The following ZMAT4 variants were observed in gnomAD, a reference collection of about 807,000 sequenced individuals.
The protein encoded by ZMAT4 is zinc finger matrin-type protein 4.
In ZMAT4, 17 loss-of-function variants were observed where a neutral mutation model predicts 28.7. The ratio of observed to expected loss-of-function variants is 0.59; its 90% confidence interval spans 0.41 to 0.89. ZMAT4 has a LOEUF of 0.89. ZMAT4 is among the 40% of genes least tolerant of loss of function. The probability of loss-of-function intolerance (pLI) is 0.00; values close to 1 mark genes in which losing one functional copy is unlikely to be tolerated. For missense variants in ZMAT4, 240 were observed against 283.8 expected (o/e 0.85, Z 1.11); for synonymous variants, 117 against 109.2 (o/e 1.07, Z -0.44).
chr8:40,828,611 A>C (rs1816164586), intron 1 of ZMAT4, among the ~76,000 whole-genome samples: 1 of 152,264 alleles, frequency 6.6e-6, no homozygotes, highest in Non-Finnish European at 1.5e-5. Flanking sequence ...TGTTTTATAT[A>C]AGAATATTGA....
chr8:40,681,325 A>AT (rs1809155817), intron 4 of ZMAT4, among the ~76,000 whole-genome samples: 2 of 152,318 alleles, frequency 1.3e-5, no homozygotes, highest in African/African-American at 2.4e-5. Flanking sequence ...GGAAATGCGC[A>AT]TTTTTTCTAA....
intron 1 of ZMAT4, among the ~76,000 whole-genome samples, chr8:40,881,816 G>A (rs956514320): frequency 6.6e-6 from 1 of 151,946 alleles, no homozygotes; most frequent in South Asian, 2.1e-4. Context: ...GGAATAGCTC[G>A]GCCCAACAGT....
chr8:40,622,429 G>A (rs1428338655), intron 5 of ZMAT4, among the ~76,000 whole-genome samples: 1 of 152,100 alleles, frequency 6.6e-6, no homozygotes, highest in Non-Finnish European at 1.5e-5. Context: ...CAGAGTTACG[G>A]AGAAAAAAGA....
At chr8:40,838,868 T>C (rs894975936) in intron 1 of ZMAT4, among the ~76,000 whole-genome samples, 1 of 152,072 alleles carries the variant, frequency 6.6e-6, no homozygotes, top group African/African-American at 2.4e-5. Context: ...CTGAGTGGCT[T>C]AGAGAGAATG....
intron 6 of ZMAT4, among the ~76,000 whole-genome samples, chr8:40,561,484 T>C (rs1803737860): frequency 6.6e-6 from 1 of 152,136 alleles, no homozygotes; most frequent in African/African-American, 2.4e-5. Flanking sequence ...TACCACTTTA[T>C]TGAGGTTGAA....
intron 1 of ZMAT4, among the ~76,000 whole-genome samples, chr8:40,829,715 G>T (rs1222447435): frequency 2.0e-5 from 3 of 152,166 alleles, no homozygotes; most frequent in Non-Finnish European, 4.4e-5. Context: ...GATGGAAAGT[G>T]ATATAGGATT....
intron 1 of ZMAT4, among the ~76,000 whole-genome samples, chr8:40,880,013 G>A (rs778255643): frequency 2.0e-5 from 3 of 152,066 alleles, no homozygotes. Flanking sequence ...TTTTGTGCAC[G>A]CATATTTCCC....
At chr8:40,772,910 T>C (rs1310053417) in intron 2 of ZMAT4, among the ~76,000 whole-genome samples, 3 of 152,128 alleles carry the variant, frequency 2.0e-5, no homozygotes, top group Non-Finnish European at 2.9e-5. Flanking sequence ...CACGGGTTCC[T>C]GCAAAACAAC....
chr8:40,716,931 C>T (rs1379843102), intron 3 of ZMAT4, among the ~76,000 whole-genome samples: 1 of 152,162 alleles, frequency 6.6e-6, no homozygotes, highest in Non-Finnish European at 1.5e-5. Context: ...TGCCTTTTCT[C>T]CTCCTGTTCC....
chr8:40,654,076 T>C (rs1413777406), intron 5 of ZMAT4, among the ~76,000 whole-genome samples: 1 of 152,226 alleles, frequency 6.6e-6, no homozygotes, highest in East Asian at 1.9e-4. Context: ...AAGCAGATTT[T>C]TGTCACATTG....
intron 5 of ZMAT4, among the ~76,000 whole-genome samples, chr8:40,647,920 C>A (rs1807419241): frequency 6.6e-6 from 1 of 152,214 alleles, no homozygotes. Context: ...CAAAAACCAT[C>A]TGTACATCAC....
rs1292429693 is a variant in ZMAT4, at chr8:40,576,948, C to A, written c.674+4217G>T. ...GTGGCTCACACCTGTAATCCCAGCA[C>A]TTTGGGAGGCTGAGGCGGGCAGATC... On this transcript the variant is annotated intron_variant, in intron 6 of 6. Transcript: ENST00000297737. Among the ~76,000 whole-genome samples, 3 of 152,128 alleles carry A rather than the reference C, an allele frequency of 2.0e-5. No homozygotes were observed. The East Asian group carries it at 5.8e-4, about 29-fold the overall frequency.
intron 5 of ZMAT4, among the ~76,000 whole-genome samples, chr8:40,648,170 C>T (rs530575015): frequency 6.6e-6 from 1 of 152,204 alleles, no homozygotes; most frequent in African/African-American, 2.4e-5. Flanking sequence ...AACTTGAAAA[C>T]TTTGAAAAAA....
At chr8:40,660,495 G>A (rs973434614) in intron 5 of ZMAT4, among the ~76,000 whole-genome samples, 1 of 152,130 alleles carries the variant, frequency 6.6e-6, no homozygotes, top group African/African-American at 2.4e-5. Context: ...TATAGTGCCC[G>A]TTACATAATA....
chr8:40,595,901 T>TGG (rs1260813127), intron 5 of ZMAT4, among the ~76,000 whole-genome samples: 1 of 152,058 alleles, frequency 6.6e-6, no homozygotes, highest in Non-Finnish European at 1.5e-5. Flanking sequence ...CTGGTCAACA[T>TGG]GGTGAAACCC....
chr8:40,563,996 C>T (rs1231731778), intron 6 of ZMAT4, among the ~76,000 whole-genome samples: 1 of 152,128 alleles, frequency 6.6e-6, no homozygotes, highest in Non-Finnish European at 1.5e-5. Context: ...TTCACTTTCT[C>T]ATCCCAGGCT....
At chr8:40,599,810 A>G (rs1330880329) in intron 5 of ZMAT4, among the ~76,000 whole-genome samples, 2 of 152,208 alleles carry the variant, frequency 1.3e-5, no homozygotes, top group Non-Finnish European at 2.9e-5. Context: ...GGTGGGAGGC[A>G]TAGGGGGGCC....
chr8:40,729,013 GTTC>G, intron 3 of ZMAT4, among the ~76,000 whole-genome samples: 1 of 152,306 alleles, frequency 6.6e-6, no homozygotes, highest in East Asian at 1.9e-4. Flanking sequence ...AGAATCAGTA[GTTC>G]TTTCCTTCCC....
intron 6 of ZMAT4, among the ~76,000 whole-genome samples, chr8:40,548,227 T>C (rs1035021359): frequency 1.3e-5 from 2 of 152,136 alleles, no homozygotes; most frequent in African/African-American, 4.8e-5. Context: ...GAAAACCATT[T>C]GTTTATTTTG....
Sources: gnomAD v4.1 joint callset for allele counts (sites outside exome capture counted in the v4.1 genomes callset) on GRCh38, gnomAD v4.1.1 for gene constraint, MANE v1.5 for transcripts, NCBI Gene and HGNC (gene_info 2026-07-23, HGNC 2026-07-21) for gene names.